Variants in BBC3 observed in about 807,000 individuals in gnomAD.
BBC3 encodes bcl-2-binding component 3.
Under a neutral mutation model 18.2 loss-of-function variants are expected in BBC3, and 5 were observed. That is an observed-to-expected ratio of 0.27 (90% CI 0.14 to 0.58). The LOEUF (loss-of-function observed/expected upper bound fraction) is 0.58, where lower values mean the gene tolerates loss of function less well. Ranked by LOEUF, BBC3 falls within the 20% of genes least tolerant of loss-of-function variation. BBC3 has a pLI of 0.91. For missense variants in BBC3, 224 were observed against 268.9 expected, an observed-to-expected ratio of 0.83 and a Z score of 1.17; for synonymous variants, 119 against 128.0, an observed-to-expected ratio of 0.93 and a Z score of 0.47.
intron 3 of BBC3, 91 bp from the exon 4 acceptor site, chr19:47,222,009 A>G: frequency 8.4e-7 from 1 of 1,183,960 alleles, no homozygotes; most frequent in East Asian, 2.6e-5. Flanking sequence ...GCGAGGCGAC[A>G]GTCTCGCCCA....
In BBC3 at chr19:47,230,726, T is replaced by G. The variant is rs1361180261; in HGVS notation, c.-16+203A>C. 2.0e-6 allele frequency: 2 copies of G among 984,830 alleles called. No individual in the cohort carries two copies. The highest frequency in any genetic ancestry group is 1.1e-4 in the East Asian group (1 of 8,780). 61.0% of individuals were successfully genotyped at this position (984,830 alleles called of 1,614,324 possible). On this transcript the variant is annotated intron_variant, in intron 1 of 3. Coordinates refer to ENST00000439096, the MANE Select transcript of BBC3 (RefSeq NM_014417.5). The surrounding 1 kb of genome is among the most constrained non-coding windows in gnomAD (Gnocchi z 6.7). ...ACCCGCCAGACCGCCGAGGCACCTG[T>G]GCGCCCAGACCGGCGCCCCAACGCC... is the stretch of plus-strand genomic sequence containing the variant.
upstream of BBC3, chr19:47,232,612 T>C: frequency 3.9e-6 from 6 of 1,526,096 alleles, no homozygotes; most frequent in Non-Finnish European, 5.3e-6. Flanking sequence ...TCCTGTCTCA[T>C]AGCTTTCCAT....
rs1159387359 is a variant in BBC3 at position 47,230,648 on chromosome 19, G to T, written c.-16+281C>A. 2.3e-6 allele frequency: 2 copies of T among 863,930 alleles called. No homozygotes were observed. Among genetic ancestry groups the T allele is most frequent in the Non-Finnish European group, 2.8e-6 (2 of 719,464 alleles). 53.5% of individuals were successfully genotyped at this position (863,930 alleles called of 1,614,324 possible). ...GGGGTCGACCCTCTTCCCCGGGGCC[G>T]CACTGGCCGCCAGGGGGCGCTGCCG... is the stretch of plus-strand genomic sequence containing the variant. On this transcript the variant is annotated intron_variant, in intron 1 of 3. Coordinates refer to ENST00000439096, the MANE Select transcript of BBC3 (RefSeq NM_014417.5). This position sits in a 1 kb window ranked among gnomAD's most constrained non-coding sequence, Gnocchi z 6.7.
At position 47,230,780 on chromosome 19, in the gene BBC3, C is replaced by T. The variant is rs117191877; in HGVS notation, c.-16+149G>A. The T allele has an allele frequency of 2.9e-4, 290 of 985,240 alleles. 2 individuals carry two copies. In the East Asian group the frequency reaches 0.016, roughly 53 times the overall value. The allele number at this position is 985,240 out of a possible 1,614,324, so 61.0% of individuals were successfully genotyped here. A position where few individuals can be genotyped will look rare whatever the true frequency, so the allele number is the denominator to read the frequency against. ...CCGCCTCTCACCCGGCGACCCTGGC[C>T]CAGGGTCCCTCGCGGGGTTTGGAGA... On this transcript the variant is annotated intron_variant, in intron 1 of 3. Coordinates refer to ENST00000439096, the MANE Select transcript of BBC3 (RefSeq NM_014417.5). The surrounding 1 kb of genome is among the most constrained non-coding windows in gnomAD (Gnocchi z 6.7).
upstream of BBC3, among the ~76,000 whole-genome samples, chr19:47,231,869 A>G (rs1020123947): frequency 1.3e-5 from 2 of 152,100 alleles, no homozygotes; most frequent in African/African-American, 4.8e-5. This position sits in a 1 kb window ranked among gnomAD's most constrained non-coding sequence, Gnocchi z 4.0. Context: ...CGGTGGTGCA[A>G]CCACACAGAC....
chr19:47,230,534 C>T lies in BBC3; in HGVS notation c.-16+395G>A, dbSNP rs2058898923. ...ACGGCCCGCGAGCCGCCCCCCGTCG[C>T]CGCCCCCAGCGGGCGCGCGCCCTGG... On this transcript the variant is annotated intron_variant, in intron 1 of 3. Coordinates refer to ENST00000439096, the MANE Select transcript of BBC3 (RefSeq NM_014417.5). This position sits in a 1 kb window ranked among gnomAD's most constrained non-coding sequence, Gnocchi z 6.7. 6.6e-6 allele frequency among the ~76,000 whole-genome samples: 1 copy of T among 151,122 alleles called. No homozygotes were observed. The highest frequency in any genetic ancestry group is 2.1e-4 in the South Asian group (1 of 4,826).
In BBC3 at chr19:47,226,634, T is replaced by C. The variant is rs1205232071; in HGVS notation, c.395A>G (p.Gln132Arg). Reference protein sequence around the residue: ...AAPGVRGEEEQWAREIGAQLR... With the variant: ...AAPGVRGEEERWAREIGAQLR... ...CTGGGCCCCGATCTCCCGGGCCCAC[T>C]GTTCCTCCTCCCCGCGGACTCCCGG... Residue 132 changes from glutamine (Q) to arginine (R), a missense_variant, in exon 3 of 4, where the codon CAG becomes CGG. Physicochemically the swap from Gln to Arg is conservative, Grantham distance 43. Transcript: ENST00000439096. 2.6e-6 allele frequency: 4 copies of C among 1,562,074 alleles called. No homozygotes were observed. Among genetic ancestry groups the C allele is most frequent in the South Asian group, 1.2e-5 (1 of 85,468 alleles).
chr19:47,228,211 C>G lies in BBC3; in HGVS notation c.221G>C (p.Gly74Ala). 1 of 1,223,364 alleles carries G rather than the reference C, an allele frequency of 8.2e-7. No homozygotes were observed. The highest frequency in any genetic ancestry group is 3.2e-5 in the East Asian group (1 of 31,072). The allele number at this position is 1,223,364 out of a possible 1,614,324, so 75.8% of individuals were successfully genotyped here. The part of the protein sequence containing the change: ...APPAVTAALG[G>A]SRWPGGPRSR... Reference sequence around the variant, plus strand: ...GCGGGGACCCCCAGGCCAGCGGGAACCCCCCAGGGCGGCGGTGACGGCGGG... The same window carrying G: ...GCGGGGACCCCCAGGCCAGCGGGAAGCCCCCAGGGCGGCGGTGACGGCGGG... The change falls in exon 2 of 4, where the codon GGT becomes GCT. Residue 74 changes from glycine to alanine, a missense_variant. Gly to Ala is a moderately conservative substitution (Grantham distance 60). Transcript: ENST00000439096. The surrounding 1 kb of genome is among the most constrained non-coding windows in gnomAD (Gnocchi z 5.5).
chr19:47,223,590 T>A (rs551374962), intron 3 of BBC3, among the ~76,000 whole-genome samples: 2 of 152,136 alleles, frequency 1.3e-5, no homozygotes. Context: ...TTTTTAAGTG[T>A]ACAGAGAGCT....
chr19:47,222,000 C>T (rs537087759), intron 3 of BBC3, 82 bp from the exon 4 acceptor site: 419 of 1,293,262 alleles, frequency 3.2e-4, no homozygotes, highest in Non-Finnish European at 4.1e-4. Context: ...CCAGGGGCAG[C>T]GAGGCGACAG....
intron 1 of BBC3, among the ~76,000 whole-genome samples, chr19:47,229,556 T>A (rs1162682242): frequency 6.7e-6 from 1 of 150,162 alleles, no homozygotes; most frequent in Non-Finnish European, 1.5e-5. Context: ...CAGAAAACAC[T>A]GGTCTCACGT....
At chr19:47,225,927 C>A (rs534696371) in intron 3 of BBC3, among the ~76,000 whole-genome samples, 41 of 152,248 alleles carry the variant, frequency 2.7e-4, no homozygotes, top group Middle Eastern at 6.8e-3. Flanking sequence ...TGCGTTTCTG[C>A]GGTTTTGTTT....
At position 47,231,138 on chromosome 19, in the gene BBC3, A is replaced by G; in HGVS notation, c.-225T>C. 1 of 980,792 alleles carries G rather than the reference A, an allele frequency of 1.0e-6. No individual in the cohort carries two copies. Among genetic ancestry groups the G allele is most frequent in the Non-Finnish European group, 1.2e-6 (1 of 827,732 alleles). The allele number at this position is 980,792 out of a possible 1,614,324, so 60.8% of individuals were successfully genotyped here. ...CGTCCGCGTCGTGGCCGCTGCTGGG[A>G]TCGCTGGTGCCGCCGCCGCCGCCGC... On this transcript the variant is annotated 5_prime_UTR_variant, in exon 1 of 4. Transcript: ENST00000439096. This position sits in a 1 kb window ranked among gnomAD's most constrained non-coding sequence, Gnocchi z 4.0.
upstream of BBC3, chr19:47,231,236 G>GC: frequency 2.1e-6 from 2 of 945,362 alleles, no homozygotes; most frequent in Non-Finnish European, 2.5e-6. The surrounding 1 kb of genome is among the most constrained non-coding windows in gnomAD (Gnocchi z 4.0). Context: ...CTCCAAAGCC[G>GC]CCCCGCCCCG....
intron 2 of BBC3, chr19:47,227,102 C>T (rs971672856): frequency 1.0e-5 from 2 of 199,574 alleles, no homozygotes; most frequent in Non-Finnish European, 2.1e-5. Flanking sequence ...GAAACTGAGG[C>T]CCGCCCTTAG....
At position 47,221,890 on chromosome 19, in the gene BBC3, G is replaced by A. The variant is rs773442047; in HGVS notation, c.494C>T (p.Pro165Leu). The A allele has an allele frequency of 5.0e-6, 8 of 1,609,420 alleles. No individual in the cohort carries two copies. The South Asian group carries it at 5.5e-5, about 11-fold the overall frequency. ...ATTGTACAGGACCCTCCAGGGTGAGGGGCGGTGCCGCTGCTGCTCCTCTTG... is the reference window on the plus strand; with the variant it reads ...ATTGTACAGGACCCTCCAGGGTGAGAGGCGGTGCCGCTGCTGCTCCTCTTG... ...RRQEEQQRHR[P>L]SPWRVLYNLI... Residue 165 changes from proline to leucine, a missense_variant, in exon 4 of 4, where the codon CCC becomes CTC. Pro to Leu is a moderately conservative substitution (Grantham distance 98). Coordinates refer to ENST00000439096, the MANE Select transcript of BBC3 (RefSeq NM_014417.5).
Position 47,228,338 on chromosome 19 carries a change from G to C in BBC3, c.94C>G (p.Pro32Ala). 1 of 1,229,162 alleles carries C rather than the reference G, an allele frequency of 8.1e-7. No homozygotes were observed. The highest frequency in any genetic ancestry group is 1.0e-6 in the Non-Finnish European group (1 of 986,434). 76.1% of individuals were successfully genotyped at this position (1,229,162 alleles called of 1,614,324 possible). A position where few individuals can be genotyped will look rare whatever the true frequency, so the allele number is the denominator to read the frequency against. ...PRPFPLGRLVPSAVSCGLCEP... is the reference protein window; with the variant it reads ...PRPFPLGRLVASAVSCGLCEP... ...CAGAGGCCGCAGGACACTGCCGAGG[G>C]CACCAGGCGGCCGAGCGGGAAGGGG... Residue 32 changes from proline (P) to alanine (A), a missense_variant, in exon 2 of 4, where the codon CCC becomes GCC. Coordinates refer to ENST00000439096, the MANE Select transcript of BBC3 (RefSeq NM_014417.5). The surrounding 1 kb of genome is among the most constrained non-coding windows in gnomAD (Gnocchi z 5.5).
intron 3 of BBC3, among the ~76,000 whole-genome samples, chr19:47,226,353 T>C (rs2058820660): frequency 6.6e-6 from 1 of 151,368 alleles, no homozygotes; most frequent in African/African-American, 2.4e-5. Flanking sequence ...TGGCCCTGGC[T>C]CGGGCTCCGG....
intron 3 of BBC3, among the ~76,000 whole-genome samples, chr19:47,223,821 G>A (rs1365010477): frequency 6.6e-6 from 1 of 152,152 alleles, no homozygotes; most frequent in Non-Finnish European, 1.5e-5. Context: ...TGGTGGCAAA[G>A]GGGGCACATC....
Sources: gnomAD v4.1 joint callset for allele counts (sites outside exome capture counted in the v4.1 genomes callset) on GRCh38, gnomAD v4.1.1 for gene constraint, Gnocchi (gnomAD v3.1) non-coding constraint, MANE v1.5 for transcripts, NCBI Gene and HGNC (gene_info 2026-07-23, HGNC 2026-07-21) for gene names.